FLRT1: variants seen among roughly 807,000 people sequenced by gnomAD.
FLRT1 encodes the protein leucine-rich repeat transmembrane protein FLRT1.
In FLRT1, 14 loss-of-function variants were observed where a neutral mutation model predicts 30.9. The observed-to-expected ratio is 0.45, with a 90% CI of 0.30 to 0.71. The LOEUF (loss-of-function observed/expected upper bound fraction) is 0.71, where lower values mean the gene tolerates loss of function less well. Ranked by LOEUF, FLRT1 falls within the 30% of genes least tolerant of loss-of-function variation. The pLI is 0.08. For missense variants in FLRT1, 737 were observed against 949.2 expected, an observed-to-expected ratio of 0.78 and a Z score of 2.94; for synonymous variants, 368 against 430.4, an observed-to-expected ratio of 0.85 and a Z score of 1.80.
chr11:64,057,128 G>C (rs1943800735), intron 1 of FLRT1, among the ~76,000 whole-genome samples: 1 of 152,236 alleles, frequency 6.6e-6, no homozygotes, highest in African/African-American at 2.4e-5. Flanking sequence ...GGCTCCCTAA[G>C]TGCTTGCTGG....
At chr11:64,070,039 A>G (rs1159202386) in intron 1 of FLRT1, among the ~76,000 whole-genome samples, 1 of 152,108 alleles carries the variant, frequency 6.6e-6, no homozygotes, top group African/African-American at 2.4e-5. Flanking sequence ...CCGCCAGACC[A>G]GGCTCTGTGC....
At chr11:64,050,923 C>T (rs1943681674) in intron 1 of FLRT1, among the ~76,000 whole-genome samples, 1 of 152,212 alleles carries the variant, frequency 6.6e-6, no homozygotes, top group Non-Finnish European at 1.5e-5. Context: ...CCGGCCACAG[C>T]CTTGCTTTTC....
intron 2 of FLRT1, among the ~76,000 whole-genome samples, chr11:64,115,903 T>C (rs1944969468): frequency 6.6e-6 from 1 of 152,180 alleles, no homozygotes; most frequent in South Asian, 2.1e-4. Flanking sequence ...TGGCTCTCAC[T>C]AAATTAACCT....
At chr11:64,086,188 G>T (rs1944391668) in intron 1 of FLRT1, among the ~76,000 whole-genome samples, 1 of 152,184 alleles carries the variant, frequency 6.6e-6, no homozygotes, top group African/African-American at 2.4e-5. Context: ...GGATCCCCCA[G>T]GGCTGGAGTG....
intron 1 of FLRT1, among the ~76,000 whole-genome samples, chr11:64,061,507 C>G (rs1000522199): frequency 7.2e-5 from 11 of 152,192 alleles, no homozygotes; most frequent in Admixed American, 2.0e-4. Flanking sequence ...GGCAGCTCCT[C>G]CCCGGCTCTG....
chr11:64,086,453 C>T (rs1944397131), intron 1 of FLRT1, among the ~76,000 whole-genome samples: 3 of 152,072 alleles, frequency 2.0e-5, no homozygotes. Flanking sequence ...AAACCTGTCC[C>T]TCTGCTCTCC....
chr11:64,077,327 CAG>C (rs1418129158), intron 1 of FLRT1, among the ~76,000 whole-genome samples: 1 of 152,218 alleles, frequency 6.6e-6, no homozygotes, highest in Non-Finnish European at 1.5e-5. Flanking sequence ...CACCATCTCT[CAG>C]GGGCTGTGCT....
chr11:64,084,984 A>G (rs1385435468), intron 1 of FLRT1, among the ~76,000 whole-genome samples: 2 of 152,226 alleles, frequency 1.3e-5, no homozygotes, highest in Non-Finnish European at 2.9e-5. Context: ...ATGCAGACAC[A>G]GTTCTAACTC....
chr11:64,097,015 G>A lies in FLRT1; in HGVS notation c.-1037-6179G>A, dbSNP rs558645511. Among the ~76,000 whole-genome samples, 15 of 152,326 alleles carry A rather than the reference G, an allele frequency of 9.8e-5. No homozygotes were observed. The East Asian group carries it at 1.5e-3, about 16-fold the overall frequency. On this transcript the variant is annotated intron_variant, in intron 1 of 2. Coordinates refer to ENST00000682287, the MANE Select transcript of FLRT1 (RefSeq NM_013280.5). ...GGGAGGAGATTGCAAAGGCACAAGAGCACTCCAGGCGGATGAGAACTCTTC... is the reference window on the plus strand; with the variant it reads ...GGGAGGAGATTGCAAAGGCACAAGAACACTCCAGGCGGATGAGAACTCTTC...
At position 64,114,133 on chromosome 11, in the gene FLRT1, T is replaced by C. The variant is rs542224712; in HGVS notation, c.-49-2086T>C. On this transcript the variant is annotated intron_variant, in intron 2 of 2. Transcript: ENST00000682287. ...ATGGATGGATGCAAGGACTGGTGCA[T>C]GCCTGAATGGATGAATGAACAAGTG... is the stretch of plus-strand genomic sequence containing the variant. Among the ~76,000 whole-genome samples, 288 of 147,454 alleles carry C rather than the reference T, an allele frequency of 2.0e-3. 2 individuals are homozygous for C. The highest frequency in any genetic ancestry group is 6.9e-3 in the African/African-American group (270 of 39,306).
At position 64,036,622 on chromosome 11, in the gene FLRT1, C is replaced by T. The variant is rs1565203586; in HGVS notation, c.-1038+463C>T. ...CCTGGGCGCCGCGCTCCCGTCCCCA[C>T]CAGCCGCGTGAGTCACGGTTGGAGC... On this transcript the variant is annotated intron_variant, in intron 1 of 2. Coordinates refer to ENST00000682287, the MANE Select transcript of FLRT1 (RefSeq NM_013280.5). This position sits in a 1 kb window ranked among gnomAD's most constrained non-coding sequence, Gnocchi z 5.6. 6.6e-6 allele frequency among the ~76,000 whole-genome samples: 1 copy of T among 152,220 alleles called. No individual in the cohort carries two copies. The highest frequency in any genetic ancestry group is 1.5e-5 in the Non-Finnish European group (1 of 68,036).
At chr11:64,113,360 T>TGATG (rs1191481891) in intron 2 of FLRT1, among the ~76,000 whole-genome samples, 78 of 152,194 alleles carry the variant, frequency 5.1e-4, no homozygotes, top group African/African-American at 6.0e-4. Flanking sequence ...GTTGGATGCA[T>TGATG]GATGGATGGA....
In FLRT1 at chr11:64,049,963, G is replaced by A. The variant is rs182688437; in HGVS notation, c.-1038+13804G>A. On this transcript the variant is annotated intron_variant, in intron 1 of 2. Coordinates refer to ENST00000682287, the MANE Select transcript of FLRT1 (RefSeq NM_013280.5). ...TCTCTCAGAGCCCTCTTGGCCTAGCGATCGCACAGAGCCAGCCCAGGCCTG... is the reference window on the plus strand; with the variant it reads ...TCTCTCAGAGCCCTCTTGGCCTAGCAATCGCACAGAGCCAGCCCAGGCCTG... Among the ~76,000 whole-genome samples the A allele has an allele frequency of 1.1e-4, 16 of 152,320 alleles. No individual in the cohort carries two copies. In the East Asian group the frequency reaches 2.9e-3, roughly 28 times the overall value.
At chr11:64,079,678 G>A (rs1590878119) in intron 1 of FLRT1, among the ~76,000 whole-genome samples, 1 of 152,172 alleles carries the variant, frequency 6.6e-6, no homozygotes, top group South Asian at 2.1e-4. Flanking sequence ...ACCCCTGGAG[G>A]AGGTGTGGTT....
At chr11:64,101,520 G>A (rs546580208) in intron 1 of FLRT1, among the ~76,000 whole-genome samples, 7 of 152,288 alleles carry the variant, frequency 4.6e-5, no homozygotes, top group African/African-American at 1.7e-4. Flanking sequence ...GCCAAGGCCC[G>A]CTGCCCCTGC....
chr11:64,048,895 C>A (rs1448359572), intron 1 of FLRT1, among the ~76,000 whole-genome samples: 4 of 152,220 alleles, frequency 2.6e-5, no homozygotes, highest in Non-Finnish European at 5.9e-5. Flanking sequence ...TGCCCTGTCC[C>A]CACAGAGCTC....
chr11:64,101,680 G>A (rs947696763), intron 1 of FLRT1, among the ~76,000 whole-genome samples: 1 of 152,198 alleles, frequency 6.6e-6, no homozygotes, highest in Non-Finnish European at 1.5e-5. Context: ...AAGGGCTCGT[G>A]CTAGAGCCGG....
intron 2 of FLRT1, among the ~76,000 whole-genome samples, chr11:64,114,463 A>G (rs12575402): frequency 1.7e-4 from 18 of 107,736 alleles, no homozygotes; most frequent in East Asian, 3.3e-4. Context: ...ATGGATGGAT[A>G]GATGGATGGA....
intron 1 of FLRT1, among the ~76,000 whole-genome samples, chr11:64,045,840 A>G (rs1943574616): frequency 1.3e-5 from 2 of 152,320 alleles, no homozygotes; most frequent in Admixed American, 1.3e-4. Flanking sequence ...TAATCCCAGC[A>G]TCTTGGGAGG....
Sources: allele counts gnomAD v4.1 joint callset (sites outside exome capture counted in the v4.1 genomes callset), GRCh38; gene constraint gnomAD v4.1.1; non-coding constraint Gnocchi (gnomAD v3.1); transcripts MANE v1.5; gene names NCBI Gene and HGNC (gene_info 2026-07-23, HGNC 2026-07-21).